Variants in CELF2 observed in about 807,000 individuals in gnomAD.
The protein encoded by CELF2 is CUGBP Elav-like family member 2.
In CELF2, 8 loss-of-function variants were observed where a neutral mutation model predicts 62.6. That is an observed-to-expected ratio of 0.13 (90% CI 0.07 to 0.23). The LOEUF (loss-of-function observed/expected upper bound fraction) is 0.23, where lower values mean the gene tolerates loss of function less well. CELF2 is among the 10% of genes least tolerant of loss of function. CELF2 has a pLI of 1.00. For missense variants in CELF2, 333 were observed against 671.0 expected (o/e 0.50, Z 5.56); for synonymous variants, 258 against 250.0 (o/e 1.03, Z -0.30).
rs77431498 is a variant in CELF2, at chr10:10,939,277, G to GTGTTGT, written c.89+19302_89+19307dup. 9.4e-3 allele frequency among the ~76,000 whole-genome samples: 1,356 copies of GTGTTGT among 144,354 alleles called. 41 individuals are homozygous for GTGTTGT. Among genetic ancestry groups the GTGTTGT allele is most frequent in the African/African-American group, 0.029 (1,084 of 37,590 alleles). 94.7% of individuals were successfully genotyped at this position (144,354 alleles called of 152,430 possible). ...AATTAGCAAGTTCTTTTGTTTTGTG[G>GTGTTGT]TGTTGTTGTTGTTGTTGTTGTTGTT... On this transcript the variant is annotated intron_variant, in intron 2 of 13. Transcript: ENST00000636488.
rs559919375 is a variant in CELF2, at chr10:10,909,849, A to G, written c.54-10115A>G. Among the ~76,000 whole-genome samples the G allele has an allele frequency of 4.6e-5, 7 of 151,696 alleles. No individual in the cohort carries two copies. The East Asian group carries it at 1.2e-3, about 25-fold the overall frequency. On this transcript the variant is annotated intron_variant, in intron 1 of 13. Coordinates refer to the CELF2 transcript ENST00000636488. ...TCTTCTCCAGTAGACAGACAGCCTC[A>G]TGAAAGAGGGGGCTCATGTTTATAA...
the CELF2 span, among the ~76,000 whole-genome samples, chr10:10,646,301 A>G: frequency 1.3e-5 from 2 of 152,218 alleles, no homozygotes; most frequent in Non-Finnish European, 2.9e-5. Flanking sequence ...GTAAACATCC[A>G]TGAACAAAGA....
the CELF2 span, among the ~76,000 whole-genome samples, chr10:10,710,597 C>T: frequency 6.6e-6 from 1 of 152,144 alleles, no homozygotes; most frequent in Non-Finnish European, 1.5e-5. Flanking sequence ...TGGCTACCTA[C>T]TACCTGGTGA....
chr10:11,137,636 T>C (rs1341375276), intron 1 of CELF2, among the ~76,000 whole-genome samples: 2 of 152,230 alleles, frequency 1.3e-5, no homozygotes, highest in Admixed American at 1.3e-4. Context: ...AGCACTCCAT[T>C]ATTGACTCTC....
Position 11,260,564 on chromosome 10 carries a change from A to G in CELF2, c.538+2692A>G, listed in dbSNP as rs2080199315. ...GACACCAGAAGCAGCCTGTTCCTGC[A>G]ACAAGTGATGGGGAGCAGTCTCATC... On this transcript the variant is annotated intron_variant, in intron 5 of 12. Coordinates refer to ENST00000633077, the MANE Select transcript of CELF2 (RefSeq NM_001326342.2). This position sits in a 1 kb window ranked among gnomAD's most constrained non-coding sequence, Gnocchi z 4.2. Among the ~76,000 whole-genome samples the G allele has an allele frequency of 6.6e-6, 1 of 152,188 alleles. No individual in the cohort carries two copies. The highest frequency in any genetic ancestry group is 2.1e-4 in the South Asian group (1 of 4,834).
rs1292862188 is a variant in CELF2, at chr10:11,318,386, T to C, written c.1097-2803T>C. ...AACCCTCCCCGTGTCCCCTGACTGG[T>C]CCCCCTTGAGCATCTGCATCCCTTG... On this transcript the variant is annotated intron_variant, in intron 10 of 12. Coordinates refer to ENST00000633077, the MANE Select transcript of CELF2 (RefSeq NM_001326342.2). The surrounding 1 kb of genome is among the most constrained non-coding windows in gnomAD (Gnocchi z 5.4). The C allele has an allele frequency of 1.3e-5, 3 of 235,746 alleles. No individual in the cohort carries two copies. The highest frequency in any genetic ancestry group is 2.5e-5 in the Non-Finnish European group (3 of 118,300). The allele number at this position is 235,746 out of a possible 1,614,324, so 14.6% of individuals were successfully genotyped here. A position where few individuals can be genotyped will look rare whatever the true frequency, so the allele number is the denominator to read the frequency against.
At chr10:10,502,940 T>C in the CELF2 span, among the ~76,000 whole-genome samples, 34 of 151,998 alleles carry the variant, frequency 2.2e-4, no homozygotes, top group Non-Finnish European at 4.3e-4. Flanking sequence ...ATGTATTCCT[T>C]ATCATTCAGT....
chr10:10,588,179 C>T, the CELF2 span, among the ~76,000 whole-genome samples: 16 of 152,212 alleles, frequency 1.1e-4, no homozygotes, highest in East Asian at 1.9e-4. Flanking sequence ...CTGATGGCCC[C>T]GTGACCCATT....
Position 10,893,945 on chromosome 10 carries a change from T to C in CELF2, c.54-26019T>C, listed in dbSNP as rs190554337. ...CACGAGATTTGGGTGGGGACACAGA[T>C]CCAAACCATATCAGAAGGCAAGCAC... On this transcript the variant is annotated intron_variant, in intron 1 of 13. Coordinates refer to the CELF2 transcript ENST00000636488. Among the ~76,000 whole-genome samples, 463 of 152,204 alleles carry C rather than the reference T, an allele frequency of 3.0e-3. 1 individual carries two copies. Among genetic ancestry groups the C allele is most frequent in the African/African-American group, 0.011 (446 of 41,534 alleles).
chr10:10,844,700 C>T (rs928674347), intron 1 of CELF2, among the ~76,000 whole-genome samples: 8 of 152,194 alleles, frequency 5.3e-5, no homozygotes, highest in South Asian at 2.1e-4. Flanking sequence ...TCTTGGGATT[C>T]TCTGACTTCA....
rs1470119535 is a variant in CELF2 at position 11,157,399 on chromosome 10, C to T, written c.75-8087C>T. Among the ~76,000 whole-genome samples the T allele has an allele frequency of 8.0e-6, 1 of 125,130 alleles. No homozygotes were observed. Among genetic ancestry groups the T allele is most frequent in the Admixed American group, 8.9e-5 (1 of 11,202 alleles). The allele number at this position is 125,130 out of a possible 152,430, so 82.1% of individuals were successfully genotyped here. On this transcript the variant is annotated intron_variant, in intron 1 of 12. Transcript: ENST00000633077. The surrounding 1 kb of genome is among the most constrained non-coding windows in gnomAD (Gnocchi z 4.9). ...TTGATATCCGCCCTCCCCCCACACA[C>T]ACACACACAAAAATTTCACTTAAAC...
At chr10:10,963,189 G>A (rs538233163) in intron 2 of CELF2, among the ~76,000 whole-genome samples, 2 of 152,100 alleles carry the variant, frequency 1.3e-5, no homozygotes, top group African/African-American at 4.8e-5. Flanking sequence ...GAGTAGCTGG[G>A]ATTACAGGCA....
intron 1 of CELF2, among the ~76,000 whole-genome samples, chr10:10,827,088 A>C (rs1030310013): frequency 5.0e-5 from 7 of 139,938 alleles, no homozygotes; most frequent in Non-Finnish European, 9.2e-5. Flanking sequence ...TTTTATTGAG[A>C]TCAAAGAGGG....
the CELF2 span, among the ~76,000 whole-genome samples, chr10:10,680,036 C>T: frequency 6.6e-6 from 1 of 152,012 alleles, no homozygotes; most frequent in African/African-American, 2.4e-5. Flanking sequence ...TACGTTAATA[C>T]TCATTTAACC....
intron 1 of CELF2, among the ~76,000 whole-genome samples, chr10:10,827,509 A>G (rs1287227248): frequency 6.6e-6 from 1 of 152,248 alleles, no homozygotes; most frequent in African/African-American, 2.4e-5. Flanking sequence ...AACAGGATTC[A>G]TCCACTGATT....
At chr10:10,732,500 C>G in the CELF2 span, among the ~76,000 whole-genome samples, 3 of 148,950 alleles carry the variant, frequency 2.0e-5, no homozygotes, top group Admixed American at 6.7e-5. Context: ...TTTGCCTACT[C>G]TTACTTTGGA....
At chr10:10,867,438 G>A (rs17148998) in intron 1 of CELF2, among the ~76,000 whole-genome samples, 23,102 of 152,220 alleles carry the variant, frequency 0.15, 1,982 homozygotes, top group Non-Finnish European at 0.2. Flanking sequence ...GCAATGTTAT[G>A]AAAAGATGCA....
At position 11,211,809 on chromosome 10, in the gene CELF2, AGAGAGTGTGTGTGT is replaced by A. The variant is rs1320298809; in HGVS notation, c.272-5614_272-5601del. Among the ~76,000 whole-genome samples the A allele has an allele frequency of 3.3e-3, 428 of 129,940 alleles. 4 individuals carry two copies. Among genetic ancestry groups the A allele is most frequent in the African/African-American group, 0.01 (329 of 31,904 alleles). The allele number at this position is 129,940 out of a possible 152,430, so 85.2% of individuals were successfully genotyped here. On this transcript the variant is annotated intron_variant, in intron 2 of 12. Coordinates refer to ENST00000633077, the MANE Select transcript of CELF2 (RefSeq NM_001326342.2). This position sits in a 1 kb window ranked among gnomAD's most constrained non-coding sequence, Gnocchi z 4.8. ...ATGTGTGTGAGAGAGAGAGAGAGAG[AGAGAGTGTGTGTGT>A]GTGTGTGTGTGTGTGTGTGTGTGTG...
At chr10:10,513,448 G>C in the CELF2 span, among the ~76,000 whole-genome samples, 1 of 152,142 alleles carries the variant, frequency 6.6e-6, no homozygotes, top group Non-Finnish European at 1.5e-5. Context: ...TGAAGGCTAT[G>C]AATCCATGAC....
Sources: gnomAD v4.1 joint callset for allele counts (sites outside exome capture counted in the v4.1 genomes callset) on GRCh38, gnomAD v4.1.1 for gene constraint, Gnocchi (gnomAD v3.1) non-coding constraint, MANE v1.5 for transcripts, NCBI Gene and HGNC (gene_info 2026-07-23, HGNC 2026-07-21) for gene names.